FRMPD4: variants seen among roughly 807,000 people sequenced by gnomAD.
FRMPD4 encodes the protein FERM and PDZ domain containing 4, also known as FERM and PDZ domain-containing protein 4.
A neutral mutation model predicts 94.1 loss-of-function variants in FRMPD4; 22 were observed. The ratio of observed to expected loss-of-function variants is 0.23; its 90% CI spans 0.17 to 0.33. FRMPD4 has a LOEUF of 0.33. Among genes scored for constraint, FRMPD4 ranks in the 10% least tolerant of loss-of-function variants. The probability of loss-of-function intolerance (pLI) is 1.00; values close to 1 mark genes in which losing one functional copy is unlikely to be tolerated. For missense variants in FRMPD4, 1,111 were observed against 1,339.9 expected, an observed-to-expected ratio of 0.83 and a Z score of 2.67; for synonymous variants, 631 against 548.6, an observed-to-expected ratio of 1.15 and a Z score of -2.10.
chrX:12,309,044 A>T (rs1019512068), intron 1 of FRMPD4, among the ~76,000 whole-genome samples: 2 of 112,536 alleles, frequency 1.8e-5, no homozygotes, highest in Non-Finnish European at 3.8e-5. Context: ...CGGAGTAAAT[A>T]TGTCAAGCTT....
chrX:12,485,581 A>G (rs1291406111), intron 1 of FRMPD4, among the ~76,000 whole-genome samples: 1 of 111,776 alleles, frequency 8.9e-6, no homozygotes, highest in Non-Finnish European at 1.9e-5. Context: ...GAGTCTGCAC[A>G]GAGAAGGGAA....
In FRMPD4 at chrX:11,839,409, T is replaced by G. The variant is rs182186356; in HGVS notation, c.-161+16694T>G. On this transcript the variant is annotated intron_variant, in intron 1 of 18. Coordinates refer to the FRMPD4 transcript ENST00000640291. Reference sequence around the variant, plus strand: ...TATGTCTTTTTTGGTGAAGTGCCTATTTAAGTCTTTTACCCATTTTTAAAA... The same window carrying G: ...TATGTCTTTTTTGGTGAAGTGCCTAGTTAAGTCTTTTACCCATTTTTAAAA... 1.0e-3 allele frequency among the ~76,000 whole-genome samples: 113 copies of G among 111,679 alleles called. 1 individual carries two copies. The highest frequency in any genetic ancestry group is 3.4e-3 in the African/African-American group (105 of 30,881).
chrX:12,208,783 C>G (rs930364642), intron 1 of FRMPD4, among the ~76,000 whole-genome samples: 1 of 111,356 alleles, frequency 9.0e-6, no homozygotes, highest in African/African-American at 3.3e-5. Context: ...CTATTCTGCC[C>G]TCCAATTAAA....
intron 2 of FRMPD4, among the ~76,000 whole-genome samples, chrX:12,563,647 C>G (rs1001595516): frequency 1.8e-5 from 2 of 111,735 alleles, no homozygotes; most frequent in Non-Finnish European, 3.8e-5. Flanking sequence ...AAGTCTCAAC[C>G]TTGCAGAAAC....
intron 1 of FRMPD4, among the ~76,000 whole-genome samples, chrX:12,175,881 C>T (rs1032411558): frequency 5.4e-5 from 6 of 111,760 alleles, no homozygotes; most frequent in African/African-American, 1.6e-4. Flanking sequence ...ACCACTGTGT[C>T]TAGATGACTG....
intron 1 of FRMPD4, among the ~76,000 whole-genome samples, chrX:12,403,251 C>A (rs150138353): frequency 6.8e-4 from 76 of 111,921 alleles, no homozygotes; most frequent in African/African-American, 2.4e-3. Context: ...GCCTTTCCTG[C>A]CTCCTTGGGG....
At chrX:11,827,164 A>AT (rs1187977482) in intron 1 of FRMPD4, among the ~76,000 whole-genome samples, 1 of 104,424 alleles carries the variant, frequency 9.6e-6, no homozygotes, top group African/African-American at 3.4e-5. Flanking sequence ...TATAATATAC[A>AT]TTTTATAAAT....
At chrX:11,957,561 T>G (rs958258496) in intron 3 of FRMPD4, among the ~76,000 whole-genome samples, 1 of 100,357 alleles carries the variant, frequency 1.0e-5, no homozygotes, top group African/African-American at 3.6e-5. Flanking sequence ...AAAAGTAGAA[T>G]TAATGAACCA....
chrX:12,117,018 T>C (rs184040171), intron 3 of FRMPD4, among the ~76,000 whole-genome samples: 5 of 112,100 alleles, frequency 4.5e-5, no homozygotes, highest in African/African-American at 1.3e-4. Flanking sequence ...TGGTTAATCT[T>C]AGTTTAAGTT....
intron 2 of FRMPD4, among the ~76,000 whole-genome samples, chrX:12,557,249 G>A (rs1240038416): frequency 1.5e-5 from 1 of 68,741 alleles, no homozygotes; most frequent in Non-Finnish European, 3.0e-5. Flanking sequence ...TTATGGGAGG[G>A]AGAGAAGAGG....
chrX:12,029,304 G>A (rs2054678572), intron 3 of FRMPD4, among the ~76,000 whole-genome samples: 1 of 111,966 alleles, frequency 8.9e-6, no homozygotes, highest in African/African-American at 3.2e-5. Flanking sequence ...AATTTCTTTG[G>A]CCCATTTTAA....
intron 2 of FRMPD4, among the ~76,000 whole-genome samples, chrX:12,582,840 T>C (rs896319075): frequency 4.5e-5 from 5 of 112,173 alleles, no homozygotes; most frequent in African/African-American, 1.6e-4. Flanking sequence ...CAGCATGTAG[T>C]GAAACAGTAA....
intron 1 of FRMPD4, among the ~76,000 whole-genome samples, chrX:12,407,613 C>T (rs941991652): frequency 8.9e-6 from 1 of 112,387 alleles, no homozygotes; most frequent in African/African-American, 3.2e-5. Flanking sequence ...GATGTTGTCA[C>T]TCATGGAGCT....
At chrX:12,008,484 A>G (rs1041630585) in intron 3 of FRMPD4, among the ~76,000 whole-genome samples, 1 of 112,595 alleles carries the variant, frequency 8.9e-6, no homozygotes, top group African/African-American at 3.2e-5. Context: ...TTCTTATTTT[A>G]AACACATTGT....
chrX:12,594,522 G>A (rs1322237508), intron 2 of FRMPD4, among the ~76,000 whole-genome samples: 3 of 110,243 alleles, frequency 2.7e-5, no homozygotes, highest in East Asian at 5.6e-4. Context: ...TGCAACCTCC[G>A]CCTCCCGGGT....
rs887755362 is a variant in FRMPD4, at chrX:12,525,619, C to T, written c.158+26823C>T. On this transcript the variant is annotated intron_variant, in intron 2 of 16. Coordinates refer to ENST00000675598, the MANE Select transcript of FRMPD4 (RefSeq NM_001368397.1). ...TTTCTACTGCTTAAACATTCATGTA[C>T]AAGTCTTTGCATGTGAACATATTCT... Among the ~76,000 whole-genome samples the T allele has an allele frequency of 2.7e-5, 3 of 112,381 alleles. No individual in the cohort carries two copies. The Admixed American group carries it at 2.8e-4, about 11-fold the overall frequency.
chrX:12,278,776 C>G (rs1288787581), intron 1 of FRMPD4, among the ~76,000 whole-genome samples: 2 of 111,468 alleles, frequency 1.8e-5, no homozygotes, highest in African/African-American at 3.3e-5. Flanking sequence ...CAGCCCTCAG[C>G]TAATGACCCA....
chrX:12,639,275 C>A (rs2059471599), intron 4 of FRMPD4, among the ~76,000 whole-genome samples: 1 of 112,132 alleles, frequency 8.9e-6, no homozygotes, highest in African/African-American at 3.2e-5. Flanking sequence ...AAAGTTTTGA[C>A]TGAAGAATTA....
Position 12,358,733 on chromosome X carries a change from G to A in FRMPD4, c.42-139947G>A, listed in dbSNP as rs747611639. On this transcript the variant is annotated intron_variant, in intron 1 of 16. Transcript: ENST00000675598. Reference sequence around the variant, plus strand: ...AAACATTGTGACACCCAGGGAAGGAGAATTCAATTCTAGTTCTCTAAGCGG... The same window carrying A: ...AAACATTGTGACACCCAGGGAAGGAAAATTCAATTCTAGTTCTCTAAGCGG... Among the ~76,000 whole-genome samples, 4 of 111,952 alleles carry A rather than the reference G, an allele frequency of 3.6e-5. No homozygotes were observed. In the South Asian group the frequency reaches 1.5e-3, roughly 42 times the overall value.
Sources: gnomAD v4.1 joint callset for allele counts (sites outside exome capture counted in the v4.1 genomes callset) on GRCh38, gnomAD v4.1.1 for gene constraint, MANE v1.5 for transcripts, NCBI Gene and HGNC (gene_info 2026-07-23, HGNC 2026-07-21) for gene names.